RPTOR: variants seen among roughly 807,000 people sequenced by gnomAD.
RPTOR encodes the protein regulatory-associated protein of mTOR.
Under a neutral mutation model 169.9 loss-of-function variants are expected in RPTOR, and 21 were observed. The ratio of observed to expected loss-of-function variants is 0.12; its 90% CI spans 0.09 to 0.18. RPTOR has a LOEUF of 0.18. Ranked by LOEUF, RPTOR falls within the 10% of genes least tolerant of loss-of-function variation. The pLI, the probability that RPTOR is intolerant of heterozygous loss-of-function variation, is 1.00. For missense variants in RPTOR, 1,133 were observed against 1,855.9 expected (o/e 0.61, Z 7.16); for synonymous variants, 732 against 753.2 (o/e 0.97, Z 0.46).
chr17:80,605,700 T>C (rs2065224030), intron 1 of RPTOR, among the ~76,000 whole-genome samples: 1 of 152,172 alleles, frequency 6.6e-6, no homozygotes, highest in Admixed American at 6.5e-5. Context: ...CTTGCCAGGT[T>C]ATTTGAAAAT....
At chr17:80,596,790 G>T (rs1208951448) in intron 1 of RPTOR, among the ~76,000 whole-genome samples, 4 of 152,132 alleles carry the variant, frequency 2.6e-5, no homozygotes, top group Non-Finnish European at 5.9e-5. Context: ...TGGAAGTGGA[G>T]TGGTGGTGAT....
At chr17:80,850,516 T>G (rs1431023333) in intron 11 of RPTOR, among the ~76,000 whole-genome samples, 1 of 152,196 alleles carries the variant, frequency 6.6e-6, no homozygotes, top group Non-Finnish European at 1.5e-5. Context: ...TTAAAGTGAT[T>G]CTTGTGCCTC....
intron 20 of RPTOR, among the ~76,000 whole-genome samples, chr17:80,903,472 C>CT (rs2068502405): frequency 6.6e-6 from 1 of 152,252 alleles, no homozygotes; most frequent in Non-Finnish European, 1.5e-5. Context: ...CTCTCAGCCG[C>CT]ACACATTGCG....
At chr17:80,842,553 G>A (rs1305041740) in intron 10 of RPTOR, among the ~76,000 whole-genome samples, 1 of 152,204 alleles carries the variant, frequency 6.6e-6, no homozygotes, top group Non-Finnish European at 1.5e-5. Flanking sequence ...TGCAGCATTC[G>A]AGAGTTTTAG....
chr17:80,879,815 T>C (rs935873334), intron 13 of RPTOR, among the ~76,000 whole-genome samples: 2 of 151,952 alleles, frequency 1.3e-5, no homozygotes, highest in Admixed American at 6.6e-5. Context: ...GCCTGAAGCG[T>C]GGGAAGGTCG....
chr17:80,601,322 AG>A (rs2065185014), intron 1 of RPTOR, among the ~76,000 whole-genome samples: 1 of 152,164 alleles, frequency 6.6e-6, no homozygotes, highest in Admixed American at 6.5e-5. Flanking sequence ...CTGCCCCTGC[AG>A]GAAGGAGAAA....
intron 3 of RPTOR, among the ~76,000 whole-genome samples, chr17:80,702,286 T>C (rs1242825621): frequency 6.6e-6 from 1 of 152,226 alleles, no homozygotes; most frequent in Non-Finnish European, 1.5e-5. Flanking sequence ...TTTTATTATC[T>C]TCTGCTGTCA....
intron 7 of RPTOR, among the ~76,000 whole-genome samples, chr17:80,813,161 A>T (rs560456843): frequency 6.6e-6 from 1 of 151,194 alleles, no homozygotes; most frequent in Non-Finnish European, 1.5e-5. Context: ...ATGATCACTC[A>T]AAGTCTGTAA....
At chr17:80,580,120 ATGCATATAT>A (rs1460896911) in intron 1 of RPTOR, among the ~76,000 whole-genome samples, 1 of 152,220 alleles carries the variant, frequency 6.6e-6, no homozygotes. Flanking sequence ...TTGGAAATAC[ATGCATATAT>A]TTCATTATTG....
intron 1 of RPTOR, among the ~76,000 whole-genome samples, chr17:80,560,716 C>T (rs1295369455): frequency 2.6e-5 from 4 of 152,146 alleles, no homozygotes; most frequent in Non-Finnish European, 5.9e-5. Flanking sequence ...CTCATGCCCA[C>T]CCGGTGCTCT....
chr17:80,826,238 C>G (rs1270218925), intron 9 of RPTOR, among the ~76,000 whole-genome samples: 1 of 152,238 alleles, frequency 6.6e-6, no homozygotes, highest in African/African-American at 2.4e-5. Context: ...CCTGCCTTAC[C>G]TGGGGCTGCT....
At chr17:80,684,152 C>T (rs992187712) in intron 3 of RPTOR, among the ~76,000 whole-genome samples, 3 of 152,288 alleles carry the variant, frequency 2.0e-5, no homozygotes, top group Non-Finnish European at 4.4e-5. Flanking sequence ...TTTGTCCCCT[C>T]TGTTCCGGGC....
At position 80,893,824 on chromosome 17, in the gene RPTOR, T is replaced by G; in HGVS notation, c.2360T>G (p.Met787Arg). ...HILSFETIDK[M>R]RRASSYSSLN... is the part of the protein sequence containing the mutation. ...CTGTCCTTCGAGACCATCGACAAGATGCGCCGCGCCAGCTCCTACTCCTCC... is the reference window on the plus strand; with the variant it reads ...CTGTCCTTCGAGACCATCGACAAGAGGCGCCGCGCCAGCTCCTACTCCTCC... The change falls in exon 20 of 34, where the codon ATG (methionine) becomes AGG (arginine). Residue 787 changes from methionine to arginine, a missense_variant. This residue lies in a region of RPTOR where 150 missense variants were observed against 206.4 expected (regional missense o/e 0.73). Transcript: ENST00000306801. The G allele has an allele frequency of 6.5e-7, 1 of 1,539,802 alleles. No homozygotes were observed. Among genetic ancestry groups the G allele is most frequent in the Non-Finnish European group, 8.8e-7 (1 of 1,139,424 alleles).
Position 80,786,079 on chromosome 17 carries a change from G to A in RPTOR, c.831-5371G>A, listed in dbSNP as rs138327445. ...TACCCAGGGATGACTGTATATGCCCGGACCAAGTCCTGAAGGTCATAGCAG... is the reference window on the plus strand; with the variant it reads ...TACCCAGGGATGACTGTATATGCCCAGACCAAGTCCTGAAGGTCATAGCAG... On this transcript the variant is annotated intron_variant, in intron 6 of 33. Coordinates refer to ENST00000306801, the MANE Select transcript of RPTOR (RefSeq NM_020761.3). 8.1e-3 allele frequency among the ~76,000 whole-genome samples: 1,234 copies of A among 152,284 alleles called. 16 individuals are homozygous for A. The highest frequency in any genetic ancestry group is 0.027 in the African/African-American group (1,132 of 41,564).
At chr17:80,933,664 A>C (rs560472136) in intron 24 of RPTOR, among the ~76,000 whole-genome samples, 1 of 152,360 alleles carries the variant, frequency 6.6e-6, no homozygotes, top group East Asian at 1.9e-4. Flanking sequence ...GAAAAATGTA[A>C]GAGACAAACA....
At chr17:80,929,482 AAAAGCTTTAAGAGTCG>A (rs2068849105) in intron 24 of RPTOR, among the ~76,000 whole-genome samples, 1 of 152,244 alleles carries the variant, frequency 6.6e-6, no homozygotes, top group Admixed American at 6.5e-5. Context: ...TTTAATTATA[AAAAGCTTTAAGAGTCG>A]ATACGCTGTT....
chr17:80,545,916 A>G (rs1225350631), intron 1 of RPTOR, 125 bp downstream of exon 1: 1 of 793,040 alleles, frequency 1.3e-6, no homozygotes, highest in Non-Finnish European at 1.9e-6. Flanking sequence ...TAAGTCAACT[A>G]GAAAGCAAAA....
chr17:80,634,599 CGTACTGTGTGT>C (rs201459517), intron 2 of RPTOR, among the ~76,000 whole-genome samples: 18,792 of 34,320 alleles, frequency 0.55, 5,726 homozygotes, highest in Middle Eastern at 0.7. Flanking sequence ...TGTGTGTGTG[CGTACTGTGTGT>C]GTACTGTGTG....
chr17:80,696,952 T>C (rs2066042046), intron 3 of RPTOR, among the ~76,000 whole-genome samples: 1 of 152,208 alleles, frequency 6.6e-6, no homozygotes, highest in Non-Finnish European at 1.5e-5. Context: ...TGGTGGCATG[T>C]TAGCAGCTCC....
Sources: gnomAD v4.1 joint callset for allele counts (sites outside exome capture counted in the v4.1 genomes callset) on GRCh38, gnomAD v4.1.1 for gene constraint, gnomAD v4.1.1 regional missense constraint, MANE v1.5 for transcripts, NCBI Gene and HGNC (gene_info 2026-07-23, HGNC 2026-07-21) for gene names.